The following ODAD2 variants were observed in gnomAD, a reference collection of about 807,000 sequenced individuals.
The protein encoded by ODAD2 is outer dynein arm docking complex subunit 2.
ODAD2 carries 89 observed loss-of-function variants against 106.8 expected under a neutral mutation model. The ratio of observed to expected loss-of-function variants is 0.83; its 90% CI spans 0.70 to 0.99. The LOEUF (loss-of-function observed/expected upper bound fraction) is 0.99. ODAD2 is among the 50% of genes least tolerant of loss of function. ODAD2 has a pLI of 0.00. For synonymous variants in ODAD2, 404 were observed against 436.2 expected (o/e 0.93, Z 0.92); for missense variants, 1,168 against 1,238.5 (o/e 0.94, Z 0.85).
intron 16 of ODAD2, among the ~76,000 whole-genome samples, chr10:27,916,770 A>G (rs896387525): frequency 6.6e-6 from 1 of 152,106 alleles, no homozygotes; most frequent in Non-Finnish European, 1.5e-5. Flanking sequence ...TGTTTATGCT[A>G]TTGGTAAGGC....
intron 9 of ODAD2, among the ~76,000 whole-genome samples, chr10:27,967,889 CAAAT>C (rs1363190733): frequency 6.7e-6 from 1 of 149,530 alleles, no homozygotes; most frequent in Admixed American, 6.7e-5. Flanking sequence ...GACTCTGTCT[CAAAT>C]AAATAAATAA....
chr10:27,996,023 T>A (rs1419663003), intron 1 of ODAD2, among the ~76,000 whole-genome samples: 2 of 152,196 alleles, frequency 1.3e-5, no homozygotes, highest in Non-Finnish European at 2.9e-5. Flanking sequence ...TCACATTGGC[T>A]AAATAGAAAT....
At chr10:27,948,346 T>C (rs1197562231) in intron 10 of ODAD2, among the ~76,000 whole-genome samples, 2 of 152,206 alleles carry the variant, frequency 1.3e-5, no homozygotes, top group Admixed American at 1.3e-4. Flanking sequence ...AAAGGGATTA[T>C]AAATCTTTCA....
chr10:27,901,734 A>G (rs1843221176), intron 17 of ODAD2, among the ~76,000 whole-genome samples: 1 of 152,220 alleles, frequency 6.6e-6, no homozygotes, highest in Non-Finnish European at 1.5e-5. Context: ...CATAATGGTA[A>G]AGGGATCAAT....
intron 19 of ODAD2, among the ~76,000 whole-genome samples, chr10:27,848,146 G>A (rs558585552): frequency 1.3e-5 from 2 of 152,270 alleles, no homozygotes; most frequent in East Asian, 1.9e-4. Flanking sequence ...AAAGCCGGAG[G>A]CATCACACTA....
intron 19 of ODAD2, 119 bp downstream of exon 19, chr10:27,860,506 C>T (rs1474401247): frequency 4.6e-6 from 4 of 860,348 alleles, no homozygotes; most frequent in African/African-American, 1.7e-5. Flanking sequence ...CATGATGCAG[C>T]AGGCAGGCAC....
chr10:27,931,740 G>A (rs77733114), intron 16 of ODAD2, among the ~76,000 whole-genome samples: 2,361 of 147,218 alleles, frequency 0.016, 23 homozygotes, highest in Non-Finnish European at 0.026. Flanking sequence ...CATTTAGAAG[G>A]AATTTCAAGG....
intron 12 of ODAD2, among the ~76,000 whole-genome samples, chr10:27,943,127 T>C (rs535027140): frequency 6.6e-6 from 1 of 152,324 alleles, no homozygotes; most frequent in African/African-American, 2.4e-5. Context: ...AGACACAAGA[T>C]CTATTGATCC....
At chr10:27,902,268 G>A (rs1843263377) in intron 17 of ODAD2, among the ~76,000 whole-genome samples, 1 of 152,168 alleles carries the variant, frequency 6.6e-6, no homozygotes, top group African/African-American at 2.4e-5. Context: ...TGAGAACAAT[G>A]ACACAGCGTA....
At position 27,893,556 on chromosome 10, in the gene ODAD2, C is replaced by T. The variant is rs1343455863; in HGVS notation, c.2610+14107G>A. ...TCAGTGCCATTAATCCAAACAAAGACGTTATTTCAAAGTGATGCCAAATCC... is the reference window on the plus strand; with the variant it reads ...TCAGTGCCATTAATCCAAACAAAGATGTTATTTCAAAGTGATGCCAAATCC... On this transcript the variant is annotated intron_variant, in intron 17 of 19. Transcript: ENST00000305242. Among the ~76,000 whole-genome samples, 7 of 77,266 alleles carry T rather than the reference C, an allele frequency of 9.1e-5. No homozygotes were observed. The Admixed American group carries it at 1.1e-3, about 12-fold the overall frequency. 50.7% of individuals were successfully genotyped at this position (77,266 alleles called of 152,430 possible). A position where few individuals can be genotyped will look rare whatever the true frequency, so the allele number is the denominator to read the frequency against.
intron 16 of ODAD2, among the ~76,000 whole-genome samples, chr10:27,911,318 T>G (rs1308003253): frequency 6.6e-6 from 1 of 152,262 alleles, no homozygotes; most frequent in African/African-American, 2.4e-5. Flanking sequence ...TGACTCAAAA[T>G]GTGTCCCTGC....
intron 17 of ODAD2, among the ~76,000 whole-genome samples, chr10:27,891,626 T>G (rs1394061227): frequency 1.3e-5 from 2 of 152,148 alleles, no homozygotes; most frequent in Non-Finnish European, 2.9e-5. Context: ...TGAATTATAC[T>G]ATTACTTCTT....
At chr10:27,946,783 C>A (rs1281635847) in intron 10 of ODAD2, among the ~76,000 whole-genome samples, 1 of 152,140 alleles carries the variant, frequency 6.6e-6, no homozygotes, top group Non-Finnish European at 1.5e-5. Flanking sequence ...ATATGCAAAC[C>A]CTCTTGTGAA....
At chr10:27,945,000 C>A in intron 10 of ODAD2, 38 bp from the exon 11 acceptor site, 1 of 1,609,150 alleles carries the variant, frequency 6.2e-7, no homozygotes. Context: ...TTAAGGAACA[C>A]CGCATTCCCA....
At chr10:27,959,059 G>A (rs1278334040) in intron 10 of ODAD2, 13 of 1,256,510 alleles carry the variant, frequency 1.0e-5, no homozygotes, top group African/African-American at 3.1e-5. Context: ...TGTCTTGGAC[G>A]GGCTTAGAGG....
chr10:27,845,513 C>T (rs897916127), intron 19 of ODAD2, among the ~76,000 whole-genome samples: 4 of 152,174 alleles, frequency 2.6e-5, no homozygotes, highest in African/African-American at 7.2e-5. Context: ...ACTGCATCAA[C>T]TAACAAGCAA....
chr10:27,914,962 C>T (rs1844259636), intron 16 of ODAD2, among the ~76,000 whole-genome samples: 1 of 151,764 alleles, frequency 6.6e-6, no homozygotes, highest in South Asian at 2.1e-4. Context: ...TTAAATGAAA[C>T]AACATATGCA....
intron 10 of ODAD2, among the ~76,000 whole-genome samples, chr10:27,945,676 G>T (rs1846859990): frequency 6.6e-6 from 1 of 152,174 alleles, no homozygotes; most frequent in Non-Finnish European, 1.5e-5. Flanking sequence ...AAAAAAGAAT[G>T]ATCAGTAAAC....
Position 27,971,144 on chromosome 10 carries a change from G to A in ODAD2, c.1106C>T (p.Pro369Leu). The A allele has an allele frequency of 6.2e-7, 1 of 1,613,790 alleles. No homozygotes were observed. The highest frequency in any genetic ancestry group is 8.5e-7 in the Non-Finnish European group (1 of 1,179,806). The change falls in exon 8 of 20, where the codon CCA becomes CTA. Residue 369 changes from proline (P) to leucine (L), a missense_variant. Physicochemically the swap from Pro to Leu is moderately conservative, Grantham distance 98. Transcript: ENST00000305242. ...AACAGTGGTCTTCCAGTTTAAGCTT[G>A]GTTCCCATCTCTTGGTCATTTGATT... ...WRNQMTKRWE[P>L]SLNWKTTVNY... is the part of the protein sequence containing the mutation.
Sources: allele counts gnomAD v4.1 joint callset (sites outside exome capture counted in the v4.1 genomes callset), GRCh38; gene constraint gnomAD v4.1.1; transcripts MANE v1.5; gene names NCBI Gene and HGNC (gene_info 2026-07-23, HGNC 2026-07-21).